RFTN1: variants seen among roughly 807,000 people sequenced by gnomAD.
The protein encoded by RFTN1 is raftlin.
A neutral mutation model predicts 46.5 loss-of-function variants in RFTN1; 26 were observed. The observed-to-expected ratio is 0.56, with a 90% CI of 0.41 to 0.78. The LOEUF (loss-of-function observed/expected upper bound fraction) is 0.78, where lower values mean the gene tolerates loss of function less well. Among genes scored for constraint, RFTN1 ranks in the 30% least tolerant of loss-of-function variants. RFTN1 has a pLI of 0.00. For missense variants in RFTN1, 693 were observed against 718.7 expected (o/e 0.96, Z 0.41); for synonymous variants, 261 against 284.2 (o/e 0.92, Z 0.82).
At position 16,407,606 on chromosome 3, in the gene RFTN1, T is replaced by TA. The variant is rs536979958; in HGVS notation, c.441+1768_441+1769insT. On this transcript the variant is annotated intron_variant, in intron 4 of 9. Transcript: ENST00000334133. This position sits in a 1 kb window ranked among gnomAD's most constrained non-coding sequence, Gnocchi z 4.0. The stretch of plus-strand genomic sequence containing the variant: ...ATCTGAGTCTTAATTACAAAACCAT[T>TA]TCTAAAATGATTTTTTCCTGGTATT... Among the ~76,000 whole-genome samples, 1 of 152,176 alleles carries TA rather than the reference T, an allele frequency of 6.6e-6. No individual in the cohort carries two copies. Among genetic ancestry groups the TA allele is most frequent in the Non-Finnish European group, 1.5e-5 (1 of 68,028 alleles).
At position 16,447,670 on chromosome 3, in the gene RFTN1, G is replaced by A. The variant is rs2075756172; in HGVS notation, c.146-13633C>T. Among the ~76,000 whole-genome samples, 1 of 152,224 alleles carries A rather than the reference G, an allele frequency of 6.6e-6. No homozygotes were observed. The highest frequency in any genetic ancestry group is 6.5e-5 in the Admixed American group (1 of 15,282). ...AATGAGATCAAGTAAACAATTAGGTGAGAGCCAATGGTCAGGGGGATGTTC... is the reference window on the plus strand; with the variant it reads ...AATGAGATCAAGTAAACAATTAGGTAAGAGCCAATGGTCAGGGGGATGTTC... On this transcript the variant is annotated intron_variant, in intron 2 of 9. Transcript: ENST00000334133. The surrounding 1 kb of genome is among the most constrained non-coding windows in gnomAD (Gnocchi z 5.9).
chr3:16,430,592 G>C (rs1412530303), intron 3 of RFTN1, among the ~76,000 whole-genome samples: 1 of 152,116 alleles, frequency 6.6e-6, no homozygotes, highest in Non-Finnish European at 1.5e-5. Flanking sequence ...GCTAGAAGTG[G>C]GGATGATCCT....
intron 2 of RFTN1, among the ~76,000 whole-genome samples, chr3:16,487,926 C>T (rs1338728158): frequency 6.6e-6 from 1 of 152,094 alleles, no homozygotes; most frequent in East Asian, 1.9e-4. Context: ...AATTTAAGAC[C>T]CAATCAAATC....
chr3:16,497,629 G>A (rs1378153900), intron 1 of RFTN1, among the ~76,000 whole-genome samples: 1 of 152,170 alleles, frequency 6.6e-6, no homozygotes, highest in Non-Finnish European at 1.5e-5. Flanking sequence ...TGGAAGGCAA[G>A]GTGTTTGAAG....
rs921628767 is a variant in RFTN1, at chr3:16,317,861, C to T, written c.1333-629G>A. ...CTGCCCCAGGTGGGATACAACAACC[C>T]ATTTCCTGATCCCAATTTGGGATAA... On this transcript the variant is annotated intron_variant, in intron 9 of 9. Coordinates refer to ENST00000334133, the MANE Select transcript of RFTN1 (RefSeq NM_015150.2). This position sits in a 1 kb window ranked among gnomAD's most constrained non-coding sequence, Gnocchi z 4.3. Among the ~76,000 whole-genome samples the T allele has an allele frequency of 2.0e-5, 3 of 152,194 alleles. No homozygotes were observed. Among genetic ancestry groups the T allele is most frequent in the Admixed American group, 6.5e-5 (1 of 15,278 alleles).
chr3:16,465,419 G>GAC lies in RFTN1; in HGVS notation c.145+28304_145+28305dup, dbSNP rs10560544. ...CCAACAGAGGTTGGCAGCTCAGAGG[G>GAC]ACACACACACACACACACACACACA... On this transcript the variant is annotated intron_variant, in intron 2 of 9. Coordinates refer to ENST00000334133, the MANE Select transcript of RFTN1 (RefSeq NM_015150.2). This position sits in a 1 kb window ranked among gnomAD's most constrained non-coding sequence, Gnocchi z 5.1. Among the ~76,000 whole-genome samples the GAC allele has an allele frequency of 0.082, 11,683 of 143,274 alleles. 666 individuals carry two copies. The highest frequency in any genetic ancestry group is 0.32 in the East Asian group (1,554 of 4,926). The allele number at this position is 143,274 out of a possible 152,430, so 94.0% of individuals were successfully genotyped here.
In RFTN1 at chr3:16,382,076, A is replaced by G. The variant is rs563076344; in HGVS notation, c.442-3974T>C. ...CAAAGTTAAATGCTGCCCTTATCCTATGCATTCCAGGGAAATTCACACCCC... is the reference window on the plus strand; with the variant it reads ...CAAAGTTAAATGCTGCCCTTATCCTGTGCATTCCAGGGAAATTCACACCCC... On this transcript the variant is annotated intron_variant, in intron 4 of 9. Coordinates refer to ENST00000334133, the MANE Select transcript of RFTN1 (RefSeq NM_015150.2). The surrounding 1 kb of genome is among the most constrained non-coding windows in gnomAD (Gnocchi z 4.7). Among the ~76,000 whole-genome samples the G allele has an allele frequency of 7.9e-5, 12 of 152,322 alleles. No individual in the cohort carries two copies. Among genetic ancestry groups the G allele is most frequent in the South Asian group, 4.1e-4 (2 of 4,830 alleles).
At chr3:16,326,914 A>G (rs1349578720) in intron 7 of RFTN1, 38 bp from the exon 8 acceptor site, 1 of 1,516,232 alleles carries the variant, frequency 6.6e-7, no homozygotes, top group African/African-American at 1.4e-5. Context: ...TGCTGCTGCC[A>G]CAAGCCAACT....
At chr3:16,420,122 T>G (rs2125466385) in intron 3 of RFTN1, among the ~76,000 whole-genome samples, 1 of 152,300 alleles carries the variant, frequency 6.6e-6, no homozygotes, top group African/African-American at 2.4e-5. Flanking sequence ...AGGAGTGCAC[T>G]GTTAACCGTA....
At chr3:16,409,507 C>G (rs1234851149) in intron 3 of RFTN1, 24 bp from the exon 4 acceptor site, 2 of 1,456,218 alleles carry the variant, frequency 1.4e-6, no homozygotes. Flanking sequence ...AAAGCACACA[C>G]AGAAACAGAT....
At chr3:16,439,005 T>C (rs1175731222) in intron 2 of RFTN1, among the ~76,000 whole-genome samples, 2 of 152,214 alleles carry the variant, frequency 1.3e-5, no homozygotes, top group African/African-American at 2.4e-5. Flanking sequence ...TAAATTTTTA[T>C]CTTAAAATCT....
chr3:16,331,426 G>A lies in RFTN1; in HGVS notation c.1147-4550C>T, dbSNP rs189100366. ...TAAAGTAAATCAAAAGTCAATGTTT[G>A]TGTTATCACAGTTTTGCAAATATTG... is the stretch of plus-strand genomic sequence containing the variant. On this transcript the variant is annotated intron_variant, in intron 7 of 9. Transcript: ENST00000334133. Among the ~76,000 whole-genome samples the A allele has an allele frequency of 4.3e-3, 654 of 152,230 alleles. 4 individuals are homozygous for A. Among genetic ancestry groups the A allele is most frequent in the African/African-American group, 0.015 (615 of 41,536 alleles).
In RFTN1 at chr3:16,376,433, G is replaced by A. The variant is rs116599481; in HGVS notation, c.826+1285C>T. On this transcript the variant is annotated intron_variant, in intron 5 of 9. Coordinates refer to ENST00000334133, the MANE Select transcript of RFTN1 (RefSeq NM_015150.2). The surrounding 1 kb of genome is among the most constrained non-coding windows in gnomAD (Gnocchi z 4.7). ...TCTCGCCCTCCCACAGTCCTGGACCGTACAGAAGGACTCCAGTGAGGTCCA... is the reference window on the plus strand; with the variant it reads ...TCTCGCCCTCCCACAGTCCTGGACCATACAGAAGGACTCCAGTGAGGTCCA... Among the ~76,000 whole-genome samples the A allele has an allele frequency of 0.013, 1,955 of 152,176 alleles. 24 individuals carry two copies. Among genetic ancestry groups the A allele is most frequent in the Non-Finnish European group, 0.021 (1,442 of 68,018 alleles).
rs1053347299 is a variant in RFTN1 at position 16,384,973 on chromosome 3, G to C, written c.442-6871C>G. Among the ~76,000 whole-genome samples, 1 of 152,010 alleles carries C rather than the reference G, an allele frequency of 6.6e-6. No individual in the cohort carries two copies. Among genetic ancestry groups the C allele is most frequent in the Non-Finnish European group, 1.5e-5 (1 of 68,002 alleles). ...TAGAGTTTTTGACAGTGATTTCTGA[G>C]GCATATAATATGGGGTAAATCCAAG... is the stretch of plus-strand genomic sequence containing the variant. On this transcript the variant is annotated intron_variant, in intron 4 of 9. Transcript: ENST00000334133. The surrounding 1 kb of genome is among the most constrained non-coding windows in gnomAD (Gnocchi z 4.7).
intron 4 of RFTN1, among the ~76,000 whole-genome samples, chr3:16,398,368 G>A (rs1356656702): frequency 6.6e-6 from 1 of 152,102 alleles, no homozygotes; most frequent in Non-Finnish European, 1.5e-5. Context: ...GCATTCCAGG[G>A]AGGGTGCAAT....
In RFTN1 at chr3:16,512,093, C is replaced by G. The variant is rs2076910822; in HGVS notation, c.-9+1349G>C. Among the ~76,000 whole-genome samples the G allele has an allele frequency of 6.6e-6, 1 of 152,146 alleles. No homozygotes were observed. The highest frequency in any genetic ancestry group is 1.5e-5 in the Non-Finnish European group (1 of 68,026). The stretch of plus-strand genomic sequence containing the variant: ...CACACACGCACCAAAGAGTCCCAAA[C>G]AGCTTGCTTCGTAACCCCTCTCTGG... On this transcript the variant is annotated intron_variant, in intron 1 of 9. Transcript: ENST00000334133. The surrounding 1 kb of genome is among the most constrained non-coding windows in gnomAD (Gnocchi z 4.3).
intron 3 of RFTN1, among the ~76,000 whole-genome samples, chr3:16,432,974 C>T (rs1200947298): frequency 6.6e-6 from 1 of 152,178 alleles, no homozygotes; most frequent in Admixed American, 6.5e-5. Context: ...AATGCTTTGT[C>T]TACCTGCAAA....
chr3:16,455,160 C>G (rs1023738946), intron 2 of RFTN1, among the ~76,000 whole-genome samples: 1 of 152,244 alleles, frequency 6.6e-6, no homozygotes, highest in Admixed American at 6.5e-5. Flanking sequence ...GATCAGCAAA[C>G]AGCTGCAGCA....
At chr3:16,471,609 C>T (rs2076197458) in intron 2 of RFTN1, among the ~76,000 whole-genome samples, 1 of 151,904 alleles carries the variant, frequency 6.6e-6, no homozygotes, top group Non-Finnish European at 1.5e-5. Flanking sequence ...GGGAGTAGAA[C>T]CTGGATCTAT....
Sources: gnomAD v4.1 joint callset for allele counts (sites outside exome capture counted in the v4.1 genomes callset) on GRCh38, gnomAD v4.1.1 for gene constraint, Gnocchi (gnomAD v3.1) non-coding constraint, MANE v1.5 for transcripts, NCBI Gene and HGNC (gene_info 2026-07-23, HGNC 2026-07-21) for gene names.